The following TNK2 variants were observed in gnomAD, a reference collection of about 807,000 sequenced individuals.
TNK2 encodes the protein activated CDC42 kinase 1.
TNK2 carries 83 observed loss-of-function variants against 101.8 expected under a neutral mutation model. That is an observed-to-expected ratio of 0.82 (90% CI 0.68 to 0.98). The LOEUF is 0.98. TNK2 is among the 50% of genes least tolerant of loss of function. TNK2 has a pLI of 0.00. For missense variants in TNK2, 1,665 were observed against 1,483.2 expected (o/e 1.12, Z -2.01); for synonymous variants, 804 against 633.0 (o/e 1.27, Z -4.06).
At chr3:195,879,270 T>C (rs1751102256) in intron 6 of TNK2, 95 bp from the exon 7 acceptor site, 1 of 1,551,352 alleles carries the variant, frequency 6.4e-7, no homozygotes, top group East Asian at 2.3e-5. Flanking sequence ...ACACTTGTTG[T>C]GACCCCCTGT....
intron 1 of TNK2, among the ~76,000 whole-genome samples, chr3:195,893,748 G>C (rs912417268): frequency 6.6e-6 from 1 of 152,062 alleles, no homozygotes; most frequent in Non-Finnish European, 1.5e-5. Flanking sequence ...CCTGTTTCTT[G>C]CACACTGCTC....
At chr3:195,892,328 T>A in intron 1 of TNK2, 2 of 1,360,890 alleles carry the variant, frequency 1.5e-6, no homozygotes, top group East Asian at 5.5e-5. Context: ...CCGCTCCCAG[T>A]CTTGCTTTCT....
intron 10 of TNK2, among the ~76,000 whole-genome samples, chr3:195,871,632 G>A (rs1339759317): frequency 6.6e-6 from 1 of 152,144 alleles, no homozygotes; most frequent in Non-Finnish European, 1.5e-5. Context: ...TAAGGCCCGA[G>A]TACCAAGAGG....
intron 1 of TNK2, among the ~76,000 whole-genome samples, chr3:195,901,934 G>A (rs935073985): frequency 6.6e-6 from 1 of 152,184 alleles, no homozygotes; most frequent in Admixed American, 6.5e-5. Flanking sequence ...ATTCACTGAC[G>A]CTGAGTGAAT....
intron 15 of TNK2, among the ~76,000 whole-genome samples, chr3:195,866,175 C>T (rs1740717246): frequency 2.0e-5 from 3 of 152,072 alleles, no homozygotes; most frequent in Admixed American, 6.5e-5. Flanking sequence ...AAACCTTTTA[C>T]AGGAAAGACA....
chr3:195,888,090 A>AC lies in TNK2; in HGVS notation c.163+335dup, dbSNP rs906838388. On this transcript the variant is annotated intron_variant, in intron 2 of 15. Transcript: ENST00000672887. The surrounding 1 kb of genome is among the most constrained non-coding windows in gnomAD (Gnocchi z 5.3). ...TCTCCCTACAGATCTCTGCACATGG[A>AC]CCCCCCGGTAGTCAGAATGATGAGA... Among the ~76,000 whole-genome samples the AC allele has an allele frequency of 1.3e-4, 19 of 151,458 alleles. No homozygotes were observed. The highest frequency in any genetic ancestry group is 1.8e-4 in the Non-Finnish European group (12 of 67,900).
rs528317969 is a variant in TNK2 at position 195,882,981 on chromosome 3, G to A, written c.609+176C>T. ...TCCAGAGACAGACCCGGACTGGACC[G>A]CAGCAGACACAGCCCGTACCAGGCT... On this transcript the variant is annotated intron_variant, in intron 5 of 15. Transcript: ENST00000672887. This position sits in a 1 kb window ranked among gnomAD's most constrained non-coding sequence, Gnocchi z 4.2. Among the ~76,000 whole-genome samples, 3 of 152,272 alleles carry A rather than the reference G, an allele frequency of 2.0e-5. No homozygotes were observed. Among genetic ancestry groups the A allele is most frequent in the East Asian group, 1.9e-4 (1 of 5,182 alleles).
At chr3:195,891,011 G>C (rs1018146295) in intron 1 of TNK2, among the ~76,000 whole-genome samples, 3 of 152,118 alleles carry the variant, frequency 2.0e-5, no homozygotes, top group Admixed American at 6.5e-5. Context: ...TTCCTCTTAT[G>C]TCTCTTTATA....
Position 195,885,186 on chromosome 3 carries a change from G to A in TNK2, c.235-153C>T. 1 of 1,000,112 alleles carries A rather than the reference G, an allele frequency of 1.0e-6. No individual in the cohort carries two copies. Among genetic ancestry groups the A allele is most frequent in the Non-Finnish European group, 1.4e-6 (1 of 693,652 alleles). The allele number at this position is 1,000,112 out of a possible 1,614,324, so 62.0% of individuals were successfully genotyped here. ...TGTCAGTGGGGCAGCCTGGCTGGAG[G>A]CCCACACTCCGTCCAGGGCACACCC... is the stretch of plus-strand genomic sequence containing the variant. On this transcript the variant is annotated intron_variant, in intron 3 of 15. Coordinates refer to ENST00000672887, the MANE Select transcript of TNK2 (RefSeq NM_001382273.1). The surrounding 1 kb of genome is among the most constrained non-coding windows in gnomAD (Gnocchi z 4.7).
rs756928677 is a variant in TNK2, at chr3:195,882,199, G to T, written c.739C>A (p.Arg247Ser). ...GCAGCCAGGTCACGGTGAATAAAGC[G>T]CTTGGACTCCAGGTAGCCCATGCCC... The part of the protein sequence containing the change: ...AEGMGYLESK[R>S]FIHRDLAARN... The change falls in exon 6 of 16, where the codon CGC becomes AGC. Residue 247 changes from arginine to serine, a missense_variant. Transcript: ENST00000672887. The surrounding 1 kb of genome is among the most constrained non-coding windows in gnomAD (Gnocchi z 4.2). 2 of 1,613,758 alleles carry T rather than the reference G, an allele frequency of 1.2e-6. No homozygotes were observed. The highest frequency in any genetic ancestry group is 2.2e-5 in the East Asian group (1 of 44,888).
Position 195,868,662 on chromosome 3 carries a change from C to G in TNK2, c.1636G>C (p.Asp546His). 6.3e-7 allele frequency: 1 copy of G among 1,593,446 alleles called. No homozygotes were observed. The highest frequency in any genetic ancestry group is 8.5e-7 in the Non-Finnish European group (1 of 1,177,772). ...VSEDQDPLSS[D>H]FKRLGLRKPG... ...TTCCGCAGGCCCAGCCTCTTGAAGTCGCTGGACAAGGGGTCTTGGTCCTCG... is the reference window on the plus strand; with the variant it reads ...TTCCGCAGGCCCAGCCTCTTGAAGTGGCTGGACAAGGGGTCTTGGTCCTCG... Residue 546 changes from aspartate to histidine, a missense_variant, in exon 13 of 16, where the codon GAC becomes CAC. This residue lies in a region of TNK2 where 1,136 missense variants were observed against 894.9 expected (regional missense o/e 1.27). Transcript: ENST00000672887.
intron 9 of TNK2, chr3:195,872,826 G>A: frequency 4.2e-6 from 1 of 237,474 alleles, no homozygotes; most frequent in South Asian, 8.6e-5. Flanking sequence ...GGTCTGTGGG[G>A]CCAGCGCCCC....
At position 195,888,712 on chromosome 3, in the gene TNK2, G is replaced by T; in HGVS notation, c.-18-106C>A. The T allele has an allele frequency of 9.2e-7, 1 of 1,081,214 alleles. No individual in the cohort carries two copies. Among genetic ancestry groups the T allele is most frequent in the Non-Finnish European group, 1.3e-6 (1 of 775,030 alleles). 67.0% of individuals were successfully genotyped at this position (1,081,214 alleles called of 1,614,324 possible). On this transcript the variant is annotated intron_variant, in intron 1 of 15. Coordinates refer to ENST00000672887, the MANE Select transcript of TNK2 (RefSeq NM_001382273.1). This position sits in a 1 kb window ranked among gnomAD's most constrained non-coding sequence, Gnocchi z 5.3. Reference sequence around the variant, plus strand: ...ATCCCACTACACGGCCACCCGGAAGGGCTCACACCACCTTCTGACTCCCGA... The same window carrying T: ...ATCCCACTACACGGCCACCCGGAAGTGCTCACACCACCTTCTGACTCCCGA...
intron 1 of TNK2, among the ~76,000 whole-genome samples, chr3:195,890,913 C>T (rs1042133535): frequency 2.0e-5 from 3 of 152,298 alleles, no homozygotes; most frequent in South Asian, 2.1e-4. Flanking sequence ...GCTGCCTTCA[C>T]GGTGTTTCCA....
At chr3:195,864,247 G>C in intron 15 of TNK2, 60 bp from the exon 16 acceptor site, 1 of 1,608,960 alleles carries the variant, frequency 6.2e-7, no homozygotes, top group East Asian at 2.2e-5. Flanking sequence ...AGCGGGGCAG[G>C]CACCGGGGGT....
intron 1 of TNK2, among the ~76,000 whole-genome samples, chr3:195,893,192 AC>A (rs1759297416): frequency 1.3e-5 from 2 of 150,616 alleles, no homozygotes; most frequent in Non-Finnish European, 3.0e-5. Context: ...ACCCTCCCCC[AC>A]CCCCGAGTCC....
Position 195,878,409 on chromosome 3 carries a change from G to A in TNK2, c.1161+37C>T. 1 of 1,613,806 alleles carries A rather than the reference G, an allele frequency of 6.2e-7. No individual in the cohort carries two copies. The highest frequency in any genetic ancestry group is 8.5e-7 in the Non-Finnish European group (1 of 1,179,898). On this transcript the variant is annotated intron_variant, in intron 8 of 15. Transcript: ENST00000672887. This position sits in a 1 kb window ranked among gnomAD's most constrained non-coding sequence, Gnocchi z 4.7. Reference sequence around the variant, plus strand: ...TGACGCCTGGGTAGCCCCTCAGCTTGAACACCCCAGCTCTCCTGGGCTGAC... The same window carrying A: ...TGACGCCTGGGTAGCCCCTCAGCTTAAACACCCCAGCTCTCCTGGGCTGAC...
Position 195,885,787 on chromosome 3 carries a change from C to CG in TNK2, c.235-755dup. 1 of 354,294 alleles carries CG rather than the reference C, an allele frequency of 2.8e-6. No homozygotes were observed. Among genetic ancestry groups the CG allele is most frequent in the Non-Finnish European group, 5.5e-6 (1 of 181,418 alleles). 21.9% of individuals were successfully genotyped at this position (354,294 alleles called of 1,614,324 possible). On this transcript the variant is annotated intron_variant, in intron 3 of 15. Transcript: ENST00000672887. This position sits in a 1 kb window ranked among gnomAD's most constrained non-coding sequence, Gnocchi z 4.7. Reference sequence around the variant, plus strand: ...CCATGAGGGTCAAAGCTGGCCACGTCGGTCTGACTCGGCCTCCACTGAGGC... The same window carrying CG: ...CCATGAGGGTCAAAGCTGGCCACGTCGGGTCTGACTCGGCCTCCACTGAGGC...
At chr3:195,890,544 G>A (rs911922283) in intron 1 of TNK2, among the ~76,000 whole-genome samples, 1 of 145,992 alleles carries the variant, frequency 6.8e-6, no homozygotes, top group Non-Finnish European at 1.5e-5. Context: ...TCAGCCTCCC[G>A]GGTTCAGGCA....
Sources: allele counts gnomAD v4.1 joint callset (sites outside exome capture counted in the v4.1 genomes callset), GRCh38; gene constraint gnomAD v4.1.1; regional missense constraint gnomAD v4.1.1; non-coding constraint Gnocchi (gnomAD v3.1); transcripts MANE v1.5; gene names NCBI Gene and HGNC (gene_info 2026-07-23, HGNC 2026-07-21).